The following GPHN variants were observed in gnomAD, a reference collection of about 807,000 sequenced individuals.
GPHN encodes gephyrin.
GPHN carries 17 observed loss-of-function variants against 95.5 expected under a neutral mutation model. The ratio of observed to expected loss-of-function variants is 0.18; its 90% CI spans 0.12 to 0.27. The LOEUF is 0.27. GPHN is among the 10% of genes least tolerant of loss of function. The pLI, the probability that GPHN is intolerant of heterozygous loss-of-function variation, is 1.00. For missense variants in GPHN, 660 were observed against 978.1 expected (o/e 0.67, Z 4.34); for synonymous variants, 320 against 322.5 (o/e 0.99, Z 0.08).
the GPHN span, chr14:67,360,496 T>A: frequency 9.1e-6 from 3 of 331,068 alleles, no homozygotes; most frequent in Non-Finnish European, 1.6e-5. Context: ...GAACTCACTT[T>A]GGTTTGTGTC....
chr14:67,662,549 A>G, the GPHN span: 6 of 1,602,960 alleles, frequency 3.7e-6, no homozygotes, highest in Non-Finnish European at 4.3e-6. Flanking sequence ...GAAAAGATAG[A>G]TAAGTTTCAA....
At chr14:67,230,650 G>A in the GPHN span, among the ~76,000 whole-genome samples, 17 of 152,034 alleles carry the variant, frequency 1.1e-4, no homozygotes, top group African/African-American at 3.4e-4. Context: ...AATAAGACTC[G>A]TACACAAAGA....
chr14:66,566,854 A>C (rs922911680), intron 1 of GPHN, among the ~76,000 whole-genome samples: 1 of 152,176 alleles, frequency 6.6e-6, no homozygotes, highest in African/African-American at 2.4e-5. Flanking sequence ...GACTTATCAG[A>C]GAGTTAGCTT....
At chr14:66,968,604 T>C (rs1260713546) in intron 9 of GPHN, among the ~76,000 whole-genome samples, 2 of 152,136 alleles carry the variant, frequency 1.3e-5, no homozygotes, top group Non-Finnish European at 2.9e-5. Flanking sequence ...GACTTGATAA[T>C]AGAAGATCTG....
the GPHN span, chr14:67,590,281 T>A: frequency 2.3e-6 from 2 of 862,530 alleles, no homozygotes; most frequent in Non-Finnish European, 3.3e-6. Flanking sequence ...GAGACAGAGT[T>A]TTGCTCTGTT....
At chr14:66,626,715 A>G (rs982870789) in intron 1 of GPHN, among the ~76,000 whole-genome samples, 2 of 152,074 alleles carry the variant, frequency 1.3e-5, no homozygotes, top group Admixed American at 6.6e-5. Flanking sequence ...TGAATGCCAT[A>G]CCATAAGATT....
intron 1 of GPHN, among the ~76,000 whole-genome samples, chr14:66,597,089 A>C (rs925655443): frequency 1.3e-5 from 2 of 152,204 alleles, no homozygotes; most frequent in African/African-American, 4.8e-5. Context: ...ATGTCTTCTT[A>C]GAGGCCCTAT....
At chr14:67,255,253 C>T in the GPHN span, among the ~76,000 whole-genome samples, 2 of 152,122 alleles carry the variant, frequency 1.3e-5, no homozygotes, top group Non-Finnish European at 2.9e-5. Flanking sequence ...TGAAGAAAAT[C>T]TGCATGGAGT....
chr14:67,527,958 T>C, the GPHN span, among the ~76,000 whole-genome samples: 1 of 152,124 alleles, frequency 6.6e-6, no homozygotes, highest in Non-Finnish European at 1.5e-5. Context: ...AAAGTCCAGT[T>C]GCCCTGTACT....
intron 17 of GPHN, among the ~76,000 whole-genome samples, chr14:67,132,923 T>C (rs1159894747): frequency 6.6e-6 from 1 of 151,874 alleles, no homozygotes; most frequent in East Asian, 1.9e-4. Context: ...ATGATATTAA[T>C]GTCATTGCTT....
chr14:66,646,559 A>G (rs1321232437), intron 1 of GPHN, among the ~76,000 whole-genome samples: 1 of 152,088 alleles, frequency 6.6e-6, no homozygotes, highest in East Asian at 1.9e-4. Flanking sequence ...AGATAAAACA[A>G]TATATATATA....
chr14:66,820,556 T>C (rs1193838373), intron 3 of GPHN, among the ~76,000 whole-genome samples: 14 of 152,156 alleles, frequency 9.2e-5, no homozygotes, highest in Non-Finnish European at 2.9e-5. Flanking sequence ...GAGCCCTCCA[T>C]TGCATGTTTC....
chr14:67,734,034 C>T, the GPHN span: 1 of 537,974 alleles, frequency 1.9e-6, no homozygotes, highest in Non-Finnish European at 3.5e-6. Flanking sequence ...TGGCTTATGG[C>T]ATGAGTTGTG....
At chr14:66,571,050 C>T (rs913447573) in intron 1 of GPHN, among the ~76,000 whole-genome samples, 7 of 152,118 alleles carry the variant, frequency 4.6e-5, no homozygotes, top group Admixed American at 1.3e-4. Flanking sequence ...AGTCCGTTTT[C>T]ACACTGCTAT....
chr14:67,296,878 C>T, the GPHN span, among the ~76,000 whole-genome samples: 7 of 152,192 alleles, frequency 4.6e-5, no homozygotes, highest in Non-Finnish European at 1.0e-4. Context: ...GGGACTCAAA[C>T]TCTTGGGCTC....
chr14:66,603,943 G>A (rs559780867), intron 1 of GPHN, among the ~76,000 whole-genome samples: 67 of 152,114 alleles, frequency 4.4e-4, no homozygotes, highest in African/African-American at 1.5e-3. Flanking sequence ...TGTCCTTTAT[G>A]TAAAGTTCTT....
At chr14:66,992,993 T>TG (rs1262462151) in intron 9 of GPHN, among the ~76,000 whole-genome samples, 4 of 152,148 alleles carry the variant, frequency 2.6e-5, no homozygotes, top group African/African-American at 7.2e-5. Flanking sequence ...ACAGAAATGT[T>TG]TGCTGAGTCC....
intron 1 of GPHN, among the ~76,000 whole-genome samples, chr14:66,559,857 G>A (rs1337006378): frequency 6.6e-6 from 1 of 152,086 alleles, no homozygotes; most frequent in Admixed American, 6.5e-5. Context: ...TTTTTCTAGG[G>A]TTTTTACAGT....
chr14:67,157,376 A>T (rs1567421671), intron 18 of GPHN, among the ~76,000 whole-genome samples: 1 of 152,356 alleles, frequency 6.6e-6, no homozygotes. Context: ...ACGTGAATTA[A>T]TTAATTAATA....
Sources: allele counts gnomAD v4.1 joint callset (sites outside exome capture counted in the v4.1 genomes callset), GRCh38; gene constraint gnomAD v4.1.1; transcripts MANE v1.5; gene names NCBI Gene and HGNC (gene_info 2026-07-23, HGNC 2026-07-21).